Variants in ANTXR1 observed in about 807,000 individuals in gnomAD.
The protein encoded by ANTXR1 is anthrax toxin receptor 1.
Under a neutral mutation model 78.1 loss-of-function variants are expected in ANTXR1, and 19 were observed. The ratio of observed to expected loss-of-function variants is 0.24; its 90% CI spans 0.17 to 0.36. ANTXR1 has a LOEUF of 0.36. Among genes scored for constraint, ANTXR1 ranks in the 10% least tolerant of loss-of-function variants. The probability of loss-of-function intolerance (pLI) is 1.00; values close to 1 mark genes in which losing one functional copy is unlikely to be tolerated. For missense variants in ANTXR1, 518 were observed against 718.6 expected, an observed-to-expected ratio of 0.72 and a Z score of 3.19; for synonymous variants, 273 against 260.5, an observed-to-expected ratio of 1.05 and a Z score of -0.46.
At chr2:69,131,230 G>T (rs1255715549) in intron 12 of ANTXR1, among the ~76,000 whole-genome samples, 1 of 152,120 alleles carries the variant, frequency 6.6e-6, no homozygotes, top group Non-Finnish European at 1.5e-5. Context: ...TTTAGCTCAA[G>T]ATGACAAGCC....
At chr2:69,035,167 G>A (rs1047301593) in intron 1 of ANTXR1, among the ~76,000 whole-genome samples, 2 of 152,058 alleles carry the variant, frequency 1.3e-5, no homozygotes. Flanking sequence ...GGGGGGCGGG[G>A]TGGGGGTCTG....
In ANTXR1 at chr2:69,193,379, T is replaced by G; in HGVS notation, c.1398T>G (p.Asp466Glu). ...GGGTCCTACTGAGGAAAGGATATGA[T>G]CGTGTGTCTGTGATGCGTCCACAGC... ...ALWVLLRKGYDRVSVMRPQPG... is the reference protein window; with the variant it reads ...ALWVLLRKGYERVSVMRPQPG... The change falls in exon 17 of 18, where the codon GAT becomes GAG. Residue 466 changes from aspartate (D) to glutamate (E), a missense_variant. Physicochemically the swap from Asp to Glu is conservative, Grantham distance 45 (BLOSUM62 2). Transcript: ENST00000303714. 6.2e-7 allele frequency: 1 copy of G among 1,613,344 alleles called. No individual in the cohort carries two copies. The highest frequency in any genetic ancestry group is 8.5e-7 in the Non-Finnish European group (1 of 1,179,794).
intron 17 of ANTXR1, among the ~76,000 whole-genome samples, chr2:69,236,848 A>G (rs549352603): frequency 6.6e-6 from 1 of 152,350 alleles, no homozygotes; most frequent in South Asian, 2.1e-4. Flanking sequence ...AAACTACTTT[A>G]AAACTTTCAT....
intron 17 of ANTXR1, among the ~76,000 whole-genome samples, chr2:69,236,100 A>G (rs1480311575): frequency 6.6e-6 from 1 of 152,188 alleles, no homozygotes; most frequent in African/African-American, 2.4e-5. Flanking sequence ...CTCTTTCTCG[A>G]CACGTGGGGA....
intron 13 of ANTXR1, among the ~76,000 whole-genome samples, chr2:69,154,349 T>A (rs1301972294): frequency 6.6e-6 from 1 of 152,198 alleles, no homozygotes; most frequent in African/African-American, 2.4e-5. Context: ...TCTCACTCTT[T>A]CTGAAAGCTG....
At chr2:69,101,164 T>C (rs1230321182) in intron 9 of ANTXR1, among the ~76,000 whole-genome samples, 1 of 152,248 alleles carries the variant, frequency 6.6e-6, no homozygotes, top group Non-Finnish European at 1.5e-5. Context: ...ATTCTTTTAC[T>C]TAAATTTCAG....
At chr2:69,087,262 G>T (rs1434331199) in intron 8 of ANTXR1, among the ~76,000 whole-genome samples, 1 of 152,282 alleles carries the variant, frequency 6.6e-6, no homozygotes, top group Middle Eastern at 3.4e-3. Context: ...CAGGTTTTAG[G>T]CACTGTGCTA....
intron 17 of ANTXR1, among the ~76,000 whole-genome samples, chr2:69,216,461 A>G (rs1675180583): frequency 6.6e-6 from 1 of 152,146 alleles, no homozygotes; most frequent in Non-Finnish European, 1.5e-5. Flanking sequence ...ATACACACAT[A>G]TATACATGCA....
At chr2:69,047,069 G>A (rs1669789708) in intron 3 of ANTXR1, among the ~76,000 whole-genome samples, 1 of 152,164 alleles carries the variant, frequency 6.6e-6, no homozygotes, top group Non-Finnish European at 1.5e-5. Flanking sequence ...CAAAAATACA[G>A]TATTCGCAGG....
At chr2:69,027,373 A>T (rs1671376481) in intron 1 of ANTXR1, among the ~76,000 whole-genome samples, 1 of 152,190 alleles carries the variant, frequency 6.6e-6, no homozygotes, top group African/African-American at 2.4e-5. Context: ...GCACAATGCG[A>T]ACCTGAAGTA....
chr2:69,191,917 C>T (rs533245749), intron 16 of ANTXR1, among the ~76,000 whole-genome samples: 289 of 152,336 alleles, frequency 1.9e-3, no homozygotes, highest in African/African-American at 6.6e-3. Flanking sequence ...TCCATTTCCT[C>T]TCCACAGCCC....
chr2:69,243,179 T>A (rs1466126653), intron 17 of ANTXR1, among the ~76,000 whole-genome samples: 2 of 152,192 alleles, frequency 1.3e-5, no homozygotes, highest in African/African-American at 4.8e-5. Flanking sequence ...TCCTAGGAAT[T>A]AATTTTCACT....
At position 69,147,638 on chromosome 2, in the gene ANTXR1, T is replaced by C. The variant is rs73934761; in HGVS notation, c.952-4531T>C. ...TATTTCTTAACTAAATTGTTATAAA[T>C]CTGAAGTTATAGTGTAATGGTTAAG... On this transcript the variant is annotated intron_variant, in intron 12 of 17. Transcript: ENST00000303714. Among the ~76,000 whole-genome samples the C allele has an allele frequency of 5.3e-3, 805 of 152,378 alleles. 8 individuals carry two copies. The highest frequency in any genetic ancestry group is 0.019 in the African/African-American group (773 of 41,582).
At chr2:69,158,159 G>T (rs1231183724) in intron 13 of ANTXR1, among the ~76,000 whole-genome samples, 1 of 152,198 alleles carries the variant, frequency 6.6e-6, no homozygotes, top group Non-Finnish European at 1.5e-5. Flanking sequence ...TACAGTGCCT[G>T]GCTCAAAGCT....
intron 4 of ANTXR1, among the ~76,000 whole-genome samples, chr2:69,070,942 T>C (rs968112312): frequency 5.3e-5 from 8 of 152,194 alleles, no homozygotes; most frequent in African/African-American, 1.9e-4. Context: ...CCCTGATGAA[T>C]GGTTTGTTAG....
At chr2:69,088,455 C>G (rs1222371448) in intron 8 of ANTXR1, among the ~76,000 whole-genome samples, 1 of 152,170 alleles carries the variant, frequency 6.6e-6, no homozygotes, top group East Asian at 1.9e-4. Context: ...TTGTGTTGTT[C>G]TAATATCACT....
At chr2:69,151,850 T>A (rs1673407456) in intron 12 of ANTXR1, among the ~76,000 whole-genome samples, 1 of 152,166 alleles carries the variant, frequency 6.6e-6, no homozygotes, top group African/African-American at 2.4e-5. Context: ...GGGGATGGTG[T>A]TCCAGGGGGC....
rs1458644263 is a variant in ANTXR1, at chr2:69,047,271, T to C, written c.296+2458T>C. Reference sequence around the variant, plus strand: ...CACGTAGGGTAAAGCTATGAGAAGATGAAAAAATAGAATGGAAAATAAATA... The same window carrying C: ...CACGTAGGGTAAAGCTATGAGAAGACGAAAAAATAGAATGGAAAATAAATA... On this transcript the variant is annotated intron_variant, in intron 3 of 17. Transcript: ENST00000303714. Among the ~76,000 whole-genome samples, 7 of 151,944 alleles carry C rather than the reference T, an allele frequency of 4.6e-5. 1 individual carries two copies. Among genetic ancestry groups the C allele is most frequent in the African/African-American group, 9.7e-5 (4 of 41,378 alleles).
intron 14 of ANTXR1, among the ~76,000 whole-genome samples, chr2:69,177,882 C>G (rs138223300): frequency 6.6e-6 from 1 of 152,318 alleles, no homozygotes; most frequent in East Asian, 1.9e-4. Context: ...CCACTCTGTT[C>G]TGCTCATCTT....
Sources: gnomAD v4.1 joint callset for allele counts (sites outside exome capture counted in the v4.1 genomes callset) on GRCh38, gnomAD v4.1.1 for gene constraint, MANE v1.5 for transcripts, NCBI Gene and HGNC (gene_info 2026-07-23, HGNC 2026-07-21) for gene names.